The following SUCLG1 variants were observed in gnomAD, a reference collection of about 807,000 sequenced individuals.
SUCLG1 encodes the protein succinate-CoA ligase GDP/ADP-forming subunit alpha, also known as succinate--CoA ligase [ADP/GDP-forming] subunit alpha, mitochondrial.
A neutral mutation model predicts 37.3 loss-of-function variants in SUCLG1; 26 were observed. The ratio of observed to expected loss-of-function variants is 0.70; its 90% confidence interval spans 0.51 to 0.97. The LOEUF (loss-of-function observed/expected upper bound fraction) is 0.97, where lower values mean the gene tolerates loss of function less well. Ranked by LOEUF, SUCLG1 falls within the 50% of genes least tolerant of loss-of-function variation. The pLI, the probability that SUCLG1 is intolerant of heterozygous loss-of-function variation, is 0.00. For missense variants in SUCLG1, 433 were observed against 432.9 expected (o/e 1.00, Z 0.00); for synonymous variants, 163 against 155.6 (o/e 1.05, Z -0.36).
At chr2:84,435,385 C>T (rs1558610100) in intron 5 of SUCLG1, among the ~76,000 whole-genome samples, 1 of 152,174 alleles carries the variant, frequency 6.6e-6, no homozygotes, top group African/African-American at 2.4e-5. Context: ...GAAGTTATAT[C>T]TTCCCTACCA....
chr2:84,424,737 C>T (rs181955396), intron 8 of SUCLG1, among the ~76,000 whole-genome samples: 1 of 151,962 alleles, frequency 6.6e-6, no homozygotes, highest in African/African-American at 2.4e-5. Flanking sequence ...GAGAGAGAGC[C>T]TTAAATGATC....
At chr2:84,423,837 T>C (rs1672492553) in intron 8 of SUCLG1, 65 bp from the exon 9 acceptor site, 1 of 1,503,656 alleles carries the variant, frequency 6.7e-7, no homozygotes, top group African/African-American at 1.4e-5. Context: ...CCAAATCACA[T>C]TTAGGATCAA....
intron 7 of SUCLG1, 179 bp from the exon 8 acceptor site, chr2:84,425,782 G>A: frequency 1.5e-6 from 1 of 674,678 alleles, no homozygotes; most frequent in South Asian, 1.8e-5. Flanking sequence ...TCTCCTTTGA[G>A]TTAACTTTCC....
At chr2:84,425,636 TGAA>T in intron 7 of SUCLG1, 33 bp from the exon 8 acceptor site, 1 of 1,612,592 alleles carries the variant, frequency 6.2e-7, no homozygotes, top group South Asian at 1.1e-5. Flanking sequence ...AATGCTCTAA[TGAA>T]GAAGTCAATC....
chr2:84,450,553 A>G (rs1356100100), intron 1 of SUCLG1, among the ~76,000 whole-genome samples: 1 of 152,154 alleles, frequency 6.6e-6, no homozygotes, highest in Non-Finnish European at 1.5e-5. Flanking sequence ...ATTTTGGGCT[A>G]CCTTCTAAAT....
At chr2:84,436,775 C>G (rs1036181554) in intron 5 of SUCLG1, among the ~76,000 whole-genome samples, 1 of 152,278 alleles carries the variant, frequency 6.6e-6, no homozygotes, top group Middle Eastern at 3.4e-3. Flanking sequence ...ACCAATGGTG[C>G]TTGAGATTCT....
intron 7 of SUCLG1, among the ~76,000 whole-genome samples, chr2:84,429,027 C>A (rs996842976): frequency 6.6e-6 from 1 of 152,156 alleles, no homozygotes; most frequent in Admixed American, 6.5e-5. Flanking sequence ...AAGTTAAACA[C>A]CAGAACGTTT....
Position 84,459,145 on chromosome 2 carries a change from C to T in SUCLG1, c.97+28G>A, listed in dbSNP as rs1216428789. The T allele has an allele frequency of 2.0e-6, 3 of 1,531,372 alleles. No homozygotes were observed. The East Asian group carries it at 7.4e-5, about 38-fold the overall frequency. 94.9% of individuals were successfully genotyped at this position (1,531,372 alleles called of 1,614,324 possible). A position where few individuals can be genotyped will look rare whatever the true frequency, so the allele number is the denominator to read the frequency against. ...CGGCGGGGCCAATAACCCGCGGGCG[C>T]CAGGAAGACAGTACTGGCTGGACTC... On this transcript the variant is annotated intron_variant, in intron 1 of 8. Transcript: ENST00000393868.
chr2:84,448,428 T>C (rs1672883298), intron 2 of SUCLG1, among the ~76,000 whole-genome samples: 1 of 151,286 alleles, frequency 6.6e-6, no homozygotes, highest in South Asian at 2.1e-4. Flanking sequence ...TTGCAGAATA[T>C]GTTTACTGAC....
At chr2:84,428,579 C>T (rs916110163) in intron 7 of SUCLG1, among the ~76,000 whole-genome samples, 1 of 152,214 alleles carries the variant, frequency 6.6e-6, no homozygotes, top group Non-Finnish European at 1.5e-5. Context: ...TATTGTTGCA[C>T]TAGAAAGGAT....
At chr2:84,450,745 C>T (rs901641080) in intron 1 of SUCLG1, among the ~76,000 whole-genome samples, 5 of 152,134 alleles carry the variant, frequency 3.3e-5, no homozygotes, top group Non-Finnish European at 5.9e-5. Context: ...GAGTCCACTC[C>T]ATGCTTTCTG....
At chr2:84,440,004 G>A (rs906705727) in intron 5 of SUCLG1, among the ~76,000 whole-genome samples, 1 of 152,206 alleles carries the variant, frequency 6.6e-6, no homozygotes, top group African/African-American at 2.4e-5. Flanking sequence ...ATGAAAAGGT[G>A]CTCTACATTA....
Position 84,441,088 on chromosome 2 carries a change from A to G in SUCLG1, c.548T>C (p.Ile183Thr), listed in dbSNP as rs140626260. 19 of 1,614,172 alleles carry G rather than the reference A, an allele frequency of 1.2e-5. No individual in the cohort carries two copies. In the Admixed American group the frequency reaches 2.3e-4, roughly 20 times the overall value. The change falls in exon 5 of 9, where the codon ATT becomes ACT. Residue 183 changes from isoleucine (I) to threonine (T), a missense_variant. Physicochemically the swap from Ile to Thr is moderately conservative, Grantham distance 89. Coordinates refer to ENST00000393868, the MANE Select transcript of SUCLG1 (RefSeq NM_003849.4). ...PGVINPGECK[I>T]GIMPGHIHKK... ...GTGAATATGGCCAGGCATGATGCCA[A>G]TTTTACATTCTCCAGGCTGAAAGTA...
At chr2:84,425,779 T>G in intron 7 of SUCLG1, 176 bp from the exon 8 acceptor site, 3 of 681,042 alleles carry the variant, frequency 4.4e-6, no homozygotes, top group Non-Finnish European at 7.6e-6. Context: ...CATTCTCCTT[T>G]GAGTTAACTT....
At chr2:84,446,854 A>G (rs1419148175) in intron 2 of SUCLG1, among the ~76,000 whole-genome samples, 2 of 152,254 alleles carry the variant, frequency 1.3e-5, no homozygotes, top group Non-Finnish European at 2.9e-5. Flanking sequence ...AAAATTAAAA[A>G]CAAGCACCTA....
intron 3 of SUCLG1, 149 bp from the exon 4 acceptor site, chr2:84,441,608 ACT>A: frequency 1.1e-6 from 1 of 909,662 alleles, no homozygotes; most frequent in Non-Finnish European, 1.7e-6. Flanking sequence ...AATTTGCTAC[ACT>A]GTCAGAGTAG....
chr2:84,443,537 C>CTTTGA (rs1672806139), intron 2 of SUCLG1, 137 bp from the exon 3 acceptor site: 3 of 806,534 alleles, frequency 3.7e-6, no homozygotes, highest in Non-Finnish European at 6.3e-6. Flanking sequence ...ATTTACTAAA[C>CTTTGA]ATAGCTTTGA....
chr2:84,443,644 C>G (rs1289462677), intron 2 of SUCLG1, among the ~76,000 whole-genome samples: 2 of 152,142 alleles, frequency 1.3e-5, no homozygotes, highest in Admixed American at 6.5e-5. Context: ...CCAGAAACTC[C>G]CTGTTTCTCA....
At chr2:84,442,035 G>C (rs951683397) in intron 3 of SUCLG1, among the ~76,000 whole-genome samples, 1 of 152,022 alleles carries the variant, frequency 6.6e-6, no homozygotes, top group Non-Finnish European at 1.5e-5. Context: ...CATTCAAAAA[G>C]CCCTTTGTAA....
Sources: gnomAD v4.1 joint callset for allele counts (sites outside exome capture counted in the v4.1 genomes callset) on GRCh38, gnomAD v4.1.1 for gene constraint, MANE v1.5 for transcripts, NCBI Gene and HGNC (gene_info 2026-07-23, HGNC 2026-07-21) for gene names.